CNGB3: variants seen among roughly 807,000 people sequenced by gnomAD.
CNGB3 encodes cyclic nucleotide gated channel subunit beta 3, also known as cyclic nucleotide-gated channel beta-3.
A neutral mutation model predicts 92.8 loss-of-function variants in CNGB3; 86 were observed. That is an observed-to-expected ratio of 0.93 (90% CI 0.78 to 1.11). The LOEUF is 1.11. Ranked by LOEUF, CNGB3 falls within the 50% of genes least tolerant of loss-of-function variation. The pLI is 0.00. For missense variants in CNGB3, 1,026 were observed against 956.8 expected, an observed-to-expected ratio of 1.07 and a Z score of -0.95; for synonymous variants, 333 against 332.7, an observed-to-expected ratio of 1.00 and a Z score of -0.01.
chr8:86,610,054 C>T (rs904968182), intron 14 of CNGB3, among the ~76,000 whole-genome samples: 9 of 152,130 alleles, frequency 5.9e-5, no homozygotes, highest in African/African-American at 4.8e-5. Context: ...GCTTGTCTCT[C>T]GCATGAAGCC....
chr8:86,734,085 T>C (rs1287862584), intron 2 of CNGB3, among the ~76,000 whole-genome samples: 1 of 152,184 alleles, frequency 6.6e-6, no homozygotes, highest in Non-Finnish European at 1.5e-5. Context: ...TTGCCCAGGC[T>C]GGTCTCAGGA....
chr8:86,733,874 T>A (rs6998478), intron 2 of CNGB3, among the ~76,000 whole-genome samples: 5,454 of 152,282 alleles, frequency 0.036, 110 homozygotes, highest in African/African-American at 0.061. Context: ...TTTTAATTTA[T>A]TTATGGTTTA....
intron 17 of CNGB3, among the ~76,000 whole-genome samples, chr8:86,576,396 C>T (rs905562019): frequency 2.4e-4 from 36 of 152,100 alleles, no homozygotes; most frequent in African/African-American, 7.0e-4. Flanking sequence ...CCTATTGGTC[C>T]TTATACTCTC....
chr8:86,673,823 G>A (rs1434643426), intron 3 of CNGB3, among the ~76,000 whole-genome samples: 1 of 152,180 alleles, frequency 6.6e-6, no homozygotes, highest in Non-Finnish European at 1.5e-5. Context: ...AGTTTGAGGT[G>A]TTTGTAGGAC....
intron 15 of CNGB3, among the ~76,000 whole-genome samples, chr8:86,583,418 C>T (rs1821830439): frequency 6.6e-6 from 1 of 151,976 alleles, no homozygotes; most frequent in Admixed American, 6.6e-5. Flanking sequence ...ATATTGAAAA[C>T]TTTAGAGTAA....
rs542427749 is a variant in CNGB3 at position 86,725,158 on chromosome 8, T to TA, written c.338+1372dup. Among the ~76,000 whole-genome samples the TA allele has an allele frequency of 3.3e-4, 50 of 152,230 alleles. No homozygotes were observed. In the East Asian group the frequency reaches 5.4e-3, roughly 16 times the overall value. ...ATCTATCAATTGCCGTGGGTTATTG[T>TA]AAAAAATAAACATATTAAAATTAAT... On this transcript the variant is annotated intron_variant, in intron 3 of 17. Coordinates refer to ENST00000320005, the MANE Select transcript of CNGB3 (RefSeq NM_019098.5).
At chr8:86,680,972 C>T (rs571755175) in intron 3 of CNGB3, among the ~76,000 whole-genome samples, 4 of 152,188 alleles carry the variant, frequency 2.6e-5, no homozygotes, top group African/African-American at 9.6e-5. Flanking sequence ...GCTTCTATCC[C>T]CAAGGTAAAC....
At chr8:86,618,503 T>C (rs1822660151) in intron 13 of CNGB3, among the ~76,000 whole-genome samples, 1 of 147,840 alleles carries the variant, frequency 6.8e-6, no homozygotes, top group Non-Finnish European at 1.5e-5. Flanking sequence ...TTATCTCATT[T>C]ATTTAGTATC....
At chr8:86,591,997 G>A (rs1422219399) in intron 15 of CNGB3, among the ~76,000 whole-genome samples, 3 of 152,058 alleles carry the variant, frequency 2.0e-5, no homozygotes, top group Non-Finnish European at 4.4e-5. Flanking sequence ...GCGAGACTCC[G>A]TGGGCGTAGG....
At chr8:86,673,641 C>A (rs1823909280) in intron 3 of CNGB3, among the ~76,000 whole-genome samples, 1 of 152,080 alleles carries the variant, frequency 6.6e-6, no homozygotes, top group Non-Finnish European at 1.5e-5. Flanking sequence ...AGAGGATAGG[C>A]TAATGAGCTG....
At chr8:86,661,846 GT>G in intron 6 of CNGB3, 9 of 1,323,816 alleles carry the variant, frequency 6.8e-6, no homozygotes, top group African/African-American at 1.4e-5. Flanking sequence ...TCTTCTGGAC[GT>G]TCCAGAACTG....
intron 10 of CNGB3, among the ~76,000 whole-genome samples, chr8:86,637,248 C>T (rs1179712373): frequency 1.3e-5 from 2 of 152,134 alleles, no homozygotes; most frequent in Non-Finnish European, 2.9e-5. Flanking sequence ...CCTTAGCACC[C>T]TTGGACAGGC....
intron 6 of CNGB3, chr8:86,658,009 T>C (rs867010343): frequency 1.8e-6 from 1 of 546,142 alleles, no homozygotes; most frequent in South Asian, 1.5e-5. Flanking sequence ...TTTTTCCATC[T>C]GCTCCTTCAG....
At chr8:86,738,222 G>A (rs1290796166) in intron 2 of CNGB3, among the ~76,000 whole-genome samples, 1 of 152,064 alleles carries the variant, frequency 6.6e-6, no homozygotes, top group African/African-American at 2.4e-5. Flanking sequence ...TGGTTAGGGG[G>A]TAGTGTTCCT....
At chr8:86,698,706 G>C (rs1025049437) in intron 3 of CNGB3, among the ~76,000 whole-genome samples, 1 of 152,160 alleles carries the variant, frequency 6.6e-6, no homozygotes, top group Admixed American at 6.5e-5. Flanking sequence ...TGGTTGGTGG[G>C]AAGGGGTAGT....
intron 1 of CNGB3, among the ~76,000 whole-genome samples, chr8:86,743,205 T>C (rs1825371410): frequency 6.6e-6 from 1 of 152,204 alleles, no homozygotes; most frequent in South Asian, 2.1e-4. Context: ...GTAACCAATT[T>C]AATATTTGAG....
At chr8:86,608,057 G>A (rs982067631) in intron 14 of CNGB3, among the ~76,000 whole-genome samples, 2 of 152,104 alleles carry the variant, frequency 1.3e-5, no homozygotes, top group Non-Finnish European at 2.9e-5. Context: ...CCCAGGTGCC[G>A]AGGCAAGAGA....
At position 86,628,985 on chromosome 8, in the gene CNGB3, G is replaced by T; in HGVS notation, c.1414C>A (p.Pro472Thr). ...CGAACTCGCTTTTGCACAAGTTTAG[G>T]AATGGAGTAATTGTTCATGTAGGCA... The part of the protein sequence containing the change: ...TIAYMNNYSI[P>T]KLVQKRVRTW... The change falls in exon 12 of 18, where the codon CCT (proline) becomes ACT (threonine). Residue 472 changes from proline to threonine, a missense_variant. Physicochemically the swap from Pro to Thr is conservative, Grantham distance 38. Coordinates refer to ENST00000320005, the MANE Select transcript of CNGB3 (RefSeq NM_019098.5). 6.2e-7 allele frequency: 1 copy of T among 1,613,966 alleles called. No individual in the cohort carries two copies. The highest frequency in any genetic ancestry group is 8.5e-7 in the Non-Finnish European group (1 of 1,179,940).
chr8:86,712,782 G>T (rs1256037309), intron 3 of CNGB3, among the ~76,000 whole-genome samples: 3 of 140,434 alleles, frequency 2.1e-5, no homozygotes. Context: ...TTTTAGATGA[G>T]GTCTTGCTGT....
Sources: allele counts gnomAD v4.1 joint callset (sites outside exome capture counted in the v4.1 genomes callset), GRCh38; gene constraint gnomAD v4.1.1; transcripts MANE v1.5; gene names NCBI Gene and HGNC (gene_info 2026-07-23, HGNC 2026-07-21).